Variants in CA6 observed in about 807,000 individuals in gnomAD.
The protein encoded by CA6 is carbonic anhydrase 6, also known as carbonate dehydratase VI.
A neutral mutation model predicts 35.9 loss-of-function variants in CA6; 28 were observed. That is an observed-to-expected ratio of 0.78 (90% CI 0.58 to 1.07). The LOEUF (loss-of-function observed/expected upper bound fraction) is 1.07, where lower values mean the gene tolerates loss of function less well. Among genes scored for constraint, CA6 ranks in the 50% least tolerant of loss-of-function variants. The pLI, the probability that CA6 is intolerant of heterozygous loss-of-function variation, is 0.00. For missense variants in CA6, 377 were observed against 382.0 expected (o/e 0.99, Z 0.11); for synonymous variants, 148 against 152.6 (o/e 0.97, Z 0.22).
At chr1:8,959,905 G>A (rs1287694218) in intron 4 of CA6, among the ~76,000 whole-genome samples, 6 of 127,228 alleles carry the variant, frequency 4.7e-5, no homozygotes, top group African/African-American at 9.9e-5. Context: ...GCACTCCAGC[G>A]TGGGCAATAA....
At position 8,967,650 on chromosome 1, in the gene CA6, C is replaced by T; in HGVS notation, c.572-9C>T. On this transcript the variant is annotated splice_polypyrimidine_tract_variant and intron_variant, in intron 5 of 7. Coordinates refer to ENST00000377443, the MANE Select transcript of CA6 (RefSeq NM_001215.4). ...CTGACATTCTGTTACCTTCTGTCTT[C>T]TTGGTCAGGACAAAGAACAACCCTG... 1 of 1,613,078 alleles carries T rather than the reference C, an allele frequency of 6.2e-7. No individual in the cohort carries two copies. Among genetic ancestry groups the T allele is most frequent in the East Asian group, 2.2e-5 (1 of 44,864 alleles).
chr1:8,948,231 C>G (rs1399710747), intron 1 of CA6, among the ~76,000 whole-genome samples: 1 of 152,122 alleles, frequency 6.6e-6, no homozygotes, highest in East Asian at 1.9e-4. Context: ...CTCCATGTCA[C>G]ATGGCTGACT....
rs185032097 is a variant in CA6 at position 8,964,201 on chromosome 1, C to A, written c.571+1545C>A. Among the ~76,000 whole-genome samples the A allele has an allele frequency of 2.6e-3, 402 of 152,346 alleles. 2 individuals are homozygous for A. The highest frequency in any genetic ancestry group is 3.6e-3 in the Admixed American group (55 of 15,304). On this transcript the variant is annotated intron_variant, in intron 5 of 7. Coordinates refer to ENST00000377443, the MANE Select transcript of CA6 (RefSeq NM_001215.4). ...CTCTCCCATGCTCAGGGCCTCCTTT[C>A]CTGCTATTCTCTCCCTGGTCTTCTG...
rs1224500396 is a variant in CA6 at position 8,949,317 on chromosome 1, A to G, written c.134A>G (p.Gln45Arg). ...CAGCACTACCCCGCCTGTGGGGGCC[A>G]GAGACAGTCGCCTATCAACCTACAG... ...WPQHYPACGG[Q>R]RQSPINLQRT... Residue 45 changes from glutamine to arginine, a missense_variant, in exon 2 of 8, where the codon CAG becomes CGG. Coordinates refer to ENST00000377443, the MANE Select transcript of CA6 (RefSeq NM_001215.4). 1 of 1,613,402 alleles carries G rather than the reference A, an allele frequency of 6.2e-7. No individual in the cohort carries two copies. The highest frequency in any genetic ancestry group is 8.5e-7 in the Non-Finnish European group (1 of 1,179,618).
chr1:8,954,082 T>A (rs999177509), intron 2 of CA6, among the ~76,000 whole-genome samples: 1 of 152,042 alleles, frequency 6.6e-6, no homozygotes, highest in Non-Finnish European at 1.5e-5. Flanking sequence ...TTGTTTAGCA[T>A]ATAATTAAGA....
chr1:8,962,499 T>C (rs1342699946), intron 4 of CA6, 88 bp from the exon 5 acceptor site: 4 of 1,105,584 alleles, frequency 3.6e-6, no homozygotes, highest in Non-Finnish European at 5.6e-6. Context: ...CTCGGCCCAA[T>C]CCGCTAGAAA....
intron 2 of CA6, among the ~76,000 whole-genome samples, chr1:8,951,058 A>C (rs746547854): frequency 6.6e-6 from 1 of 151,400 alleles, no homozygotes; most frequent in Non-Finnish European, 1.5e-5. Flanking sequence ...TCTACTAAAA[A>C]CACAAAAATT....
chr1:8,954,548 C>T (rs1227930637), intron 2 of CA6, among the ~76,000 whole-genome samples: 3 of 152,096 alleles, frequency 2.0e-5, no homozygotes, highest in South Asian at 4.2e-4. Flanking sequence ...GATCCAAGAA[C>T]CCTCTCTTGG....
chr1:8,951,740 C>A, intron 2 of CA6: 2 of 742,026 alleles, frequency 2.7e-6, no homozygotes, highest in Admixed American at 1.8e-5. Context: ...GAAGCCTGTT[C>A]CTTTGGGGTT....
intron 4 of CA6, among the ~76,000 whole-genome samples, chr1:8,960,139 G>A (rs1309722477): frequency 6.6e-6 from 1 of 151,578 alleles, no homozygotes; most frequent in Non-Finnish European, 1.5e-5. Context: ...GCTGAGGCAG[G>A]AGAACTACTC....
intron 5 of CA6, 32 bp downstream of exon 5, chr1:8,962,688 A>G (rs537713804): frequency 1.3e-6 from 2 of 1,572,688 alleles, no homozygotes; most frequent in East Asian, 2.2e-5. Flanking sequence ...TGCAGGAGGG[A>G]AGGGGAATGA....
chr1:8,961,967 C>G (rs1336104847), intron 4 of CA6, among the ~76,000 whole-genome samples: 1 of 152,082 alleles, frequency 6.6e-6, no homozygotes, highest in African/African-American at 2.4e-5. Context: ...AGACCAGGTG[C>G]GGTGGCTCAC....
At chr1:8,954,521 A>G (rs952137356) in intron 2 of CA6, among the ~76,000 whole-genome samples, 1 of 151,882 alleles carries the variant, frequency 6.6e-6, no homozygotes, top group African/African-American at 2.4e-5. Context: ...ACTCACCCCA[A>G]ATTCTTTCTT....
intron 2 of CA6, among the ~76,000 whole-genome samples, chr1:8,955,902 G>A (rs1156817678): frequency 1.3e-5 from 2 of 152,176 alleles, no homozygotes; most frequent in African/African-American, 4.8e-5. Context: ...AAATGTTCTT[G>A]TTTACAGCCA....
At chr1:8,962,769 C>G (rs1228030190) in intron 5 of CA6, 113 bp downstream of exon 5, 1 of 896,998 alleles carries the variant, frequency 1.1e-6, no homozygotes, top group South Asian at 1.3e-5. Context: ...GGCCCGTGGG[C>G]CCTGCCAAGG....
At chr1:8,972,224 T>G (rs1640127861) in intron 7 of CA6, among the ~76,000 whole-genome samples, 1 of 152,006 alleles carries the variant, frequency 6.6e-6, no homozygotes, top group African/African-American at 2.4e-5. Context: ...ATTTTTTTTG[T>G]AGTTTTTGTA....
intron 5 of CA6, among the ~76,000 whole-genome samples, chr1:8,966,191 C>T (rs941846235): frequency 6.6e-5 from 10 of 151,964 alleles, no homozygotes; most frequent in Non-Finnish European, 1.5e-4. Flanking sequence ...CTCACTGCAA[C>T]CTCCGCCTCC....
chr1:8,960,787 C>CATATAT (rs1491277382), intron 4 of CA6, among the ~76,000 whole-genome samples: 5 of 95,086 alleles, frequency 5.3e-5, no homozygotes, highest in South Asian at 3.2e-4. Context: ...CACACACACA[C>CATATAT]ACATATATAT....
intron 4 of CA6, among the ~76,000 whole-genome samples, chr1:8,962,092 A>T (rs911512635): frequency 1.3e-5 from 2 of 152,146 alleles, no homozygotes; most frequent in Non-Finnish European, 2.9e-5. Context: ...ATACAAAAAA[A>T]TTAGCCAGGT....
Sources: gnomAD v4.1 joint callset for allele counts (sites outside exome capture counted in the v4.1 genomes callset) on GRCh38, gnomAD v4.1.1 for gene constraint, MANE v1.5 for transcripts, NCBI Gene and HGNC (gene_info 2026-07-23, HGNC 2026-07-21) for gene names.